MAP4K5: variants seen among roughly 807,000 people sequenced by gnomAD.
The protein encoded by MAP4K5 is MAPK/ERK kinase kinase kinase 5.
A neutral mutation model predicts 135.6 loss-of-function variants in MAP4K5; 82 were observed. That is an observed-to-expected ratio of 0.60 (90% CI 0.51 to 0.73). The LOEUF (loss-of-function observed/expected upper bound fraction) is 0.73. Among genes scored for constraint, MAP4K5 ranks in the 30% least tolerant of loss-of-function variants. The pLI is 0.00. For missense variants in MAP4K5, 907 were observed against 1,010.9 expected, an observed-to-expected ratio of 0.90 and a Z score of 1.39; for synonymous variants, 347 against 335.0, an observed-to-expected ratio of 1.04 and a Z score of -0.39.
At chr14:50,539,794 G>A (rs2038538325) in intron 2 of MAP4K5, among the ~76,000 whole-genome samples, 1 of 152,206 alleles carries the variant, frequency 6.6e-6, no homozygotes, top group African/African-American at 2.4e-5. Context: ...TGAGCATCTG[G>A]AAGTCCTTCT....
chr14:50,422,433 G>A (rs2035754612), intron 32 of MAP4K5, among the ~76,000 whole-genome samples: 1 of 152,028 alleles, frequency 6.6e-6, no homozygotes, highest in Non-Finnish European at 1.5e-5. Context: ...AAGACCAGAG[G>A]TTCCCAATCC....
chr14:50,446,780 T>G (rs2036362533), intron 16 of MAP4K5, among the ~76,000 whole-genome samples: 1 of 152,230 alleles, frequency 6.6e-6, no homozygotes, highest in Non-Finnish European at 1.5e-5. Context: ...GGAACTCTGC[T>G]GTTATAGTGT....
chr14:50,555,666 G>A (rs2038757132), intron 1 of MAP4K5, among the ~76,000 whole-genome samples: 1 of 152,204 alleles, frequency 6.6e-6, no homozygotes, highest in East Asian at 1.9e-4. Context: ...ATAAATATTT[G>A]TCTTATTTCA....
chr14:50,555,972 GGT>G (rs2038760368), intron 1 of MAP4K5, among the ~76,000 whole-genome samples: 1 of 152,152 alleles, frequency 6.6e-6, no homozygotes, highest in South Asian at 2.1e-4. Context: ...AAATGAGCAT[GGT>G]GAAAGAACCA....
chr14:50,514,021 T>G (rs1288917679), intron 2 of MAP4K5, among the ~76,000 whole-genome samples: 1 of 152,220 alleles, frequency 6.6e-6, no homozygotes, highest in African/African-American at 2.4e-5. Flanking sequence ...TGTCATAGGC[T>G]GTAAAACCTC....
chr14:50,499,599 A>G (rs2037665062), intron 3 of MAP4K5, among the ~76,000 whole-genome samples: 1 of 152,098 alleles, frequency 6.6e-6, no homozygotes, highest in Admixed American at 6.6e-5. Context: ...CAAAGGTTGC[A>G]GTGAGCCCAG....
intron 14 of MAP4K5, 25 bp downstream of exon 14, chr14:50,456,491 T>C (rs2036596556): frequency 2.0e-6 from 3 of 1,523,966 alleles, no homozygotes; most frequent in Non-Finnish European, 2.7e-6. Context: ...AAACCACCAA[T>C]GGAAAATGTA....
chr14:50,426,241 T>G (rs1414891756), intron 30 of MAP4K5, among the ~76,000 whole-genome samples: 1 of 152,172 alleles, frequency 6.6e-6, no homozygotes, highest in Admixed American at 6.5e-5. Flanking sequence ...AGGTGGATGT[T>G]GGCATATTCA....
chr14:50,550,759 T>C (rs1349451205), intron 1 of MAP4K5, among the ~76,000 whole-genome samples: 1 of 152,202 alleles, frequency 6.6e-6, no homozygotes, highest in Non-Finnish European at 1.5e-5. Flanking sequence ...CTCAAAACTA[T>C]ACAAATACAT....
chr14:50,455,516 A>G (rs189718079), intron 14 of MAP4K5, among the ~76,000 whole-genome samples: 1 of 152,176 alleles, frequency 6.6e-6, no homozygotes, highest in East Asian at 1.9e-4. Context: ...TCTAGGCACT[A>G]ACAAAGACAC....
At position 50,423,457 on chromosome 14, in the gene MAP4K5, G is replaced by A. The variant is rs192720148; in HGVS notation, c.2398-281C>T. Among the ~76,000 whole-genome samples, 3 of 151,554 alleles carry A rather than the reference G, an allele frequency of 2.0e-5. No homozygotes were observed. The East Asian group carries it at 5.8e-4, about 29-fold the overall frequency. On this transcript the variant is annotated intron_variant, in intron 31 of 32. Transcript: ENST00000682126. ...TGAAGAAGAAACTAAGACTCCAAGA[G>A]GTTAAATAAGTTGTTCAATCTCATA...
intron 2 of MAP4K5, among the ~76,000 whole-genome samples, chr14:50,521,345 G>A (rs1277370882): frequency 6.6e-6 from 1 of 152,194 alleles, no homozygotes; most frequent in African/African-American, 2.4e-5. Flanking sequence ...CTACAGCATG[G>A]CAGACAATGT....
At chr14:50,470,811 TTGTG>T (rs1344622221) in intron 9 of MAP4K5, among the ~76,000 whole-genome samples, 3 of 152,162 alleles carry the variant, frequency 2.0e-5, no homozygotes, top group Admixed American at 2.0e-4. Flanking sequence ...TCCCTTCCTG[TTGTG>T]TATTATTTTC....
At chr14:50,506,452 G>A (rs1267029721) in intron 2 of MAP4K5, among the ~76,000 whole-genome samples, 1 of 152,104 alleles carries the variant, frequency 6.6e-6, no homozygotes, top group Non-Finnish European at 1.5e-5. Context: ...TCTGCCTCCT[G>A]GGCTCAAGTG....
At chr14:50,483,553 T>C (rs1475657309) in intron 5 of MAP4K5, among the ~76,000 whole-genome samples, 2 of 151,906 alleles carry the variant, frequency 1.3e-5, no homozygotes, top group African/African-American at 2.4e-5. Flanking sequence ...CAACATCTAA[T>C]TATAAGTGTA....
At chr14:50,493,177 GC>G (rs753438204) in intron 3 of MAP4K5, among the ~76,000 whole-genome samples, 20 of 152,068 alleles carry the variant, frequency 1.3e-4, no homozygotes, top group Admixed American at 1.1e-3. Flanking sequence ...ATTGCTCACT[GC>G]AGCCTCAAAC....
intron 30 of MAP4K5, among the ~76,000 whole-genome samples, chr14:50,426,546 G>A (rs1325141173): frequency 1.3e-5 from 2 of 152,228 alleles, no homozygotes; most frequent in African/African-American, 4.8e-5. Context: ...CCAGTATGGT[G>A]AAACCCTGTC....
chr14:50,510,482 G>T (rs1459112374), intron 2 of MAP4K5, among the ~76,000 whole-genome samples: 3 of 152,134 alleles, frequency 2.0e-5, no homozygotes, highest in Non-Finnish European at 4.4e-5. Flanking sequence ...CCTTTGAAAG[G>T]CTGTGCCACA....
chr14:50,519,370 T>G (rs990121538), intron 2 of MAP4K5, among the ~76,000 whole-genome samples: 1 of 152,114 alleles, frequency 6.6e-6, no homozygotes, highest in African/African-American at 2.4e-5. Context: ...AATGAACATG[T>G]ATCACCAGGT....
Sources: allele counts gnomAD v4.1 joint callset (sites outside exome capture counted in the v4.1 genomes callset), GRCh38; gene constraint gnomAD v4.1.1; transcripts MANE v1.5; gene names NCBI Gene and HGNC (gene_info 2026-07-23, HGNC 2026-07-21).